ANKS1A: variants seen among roughly 807,000 people sequenced by gnomAD.
ANKS1A encodes the protein ankyrin repeat and sterile alpha motif domain containing 1A, also known as ankyrin repeat and SAM domain-containing protein 1A.
A neutral mutation model predicts 120.3 loss-of-function variants in ANKS1A; 55 were observed. That is an observed-to-expected ratio of 0.46 (90% CI 0.37 to 0.57). The LOEUF is 0.57. Ranked by LOEUF, ANKS1A falls within the 20% of genes least tolerant of loss-of-function variation. The pLI is 0.00. For synonymous variants in ANKS1A, 590 were observed against 604.7 expected, an observed-to-expected ratio of 0.98 and a Z score of 0.36; for missense variants, 1,123 against 1,480.3, an observed-to-expected ratio of 0.76 and a Z score of 3.96.
chr6:34,946,256 C>T (rs1325124413), intron 1 of ANKS1A, among the ~76,000 whole-genome samples: 2 of 151,034 alleles, frequency 1.3e-5, no homozygotes, highest in African/African-American at 2.4e-5. Context: ...GCTGGAATTA[C>T]AGGCATGAGC....
chr6:35,007,739 A>G (rs934982904), intron 10 of ANKS1A, among the ~76,000 whole-genome samples: 2 of 152,256 alleles, frequency 1.3e-5, no homozygotes, highest in African/African-American at 2.4e-5. Context: ...ACAGTGATAC[A>G]TGTGGACTTT....
At chr6:34,913,818 A>G (rs1290793728) in intron 1 of ANKS1A, among the ~76,000 whole-genome samples, 1 of 152,066 alleles carries the variant, frequency 6.6e-6, no homozygotes, top group Non-Finnish European at 1.5e-5. Flanking sequence ...TTTTTAGTAG[A>G]GATGGGGTTT....
At chr6:34,955,260 C>G (rs1269746994) in intron 1 of ANKS1A, among the ~76,000 whole-genome samples, 1 of 151,992 alleles carries the variant, frequency 6.6e-6, no homozygotes, top group South Asian at 2.1e-4. Context: ...CCTCAGCCCC[C>G]CAAGTAGCTG....
At chr6:34,948,233 G>A (rs1769901237) in intron 1 of ANKS1A, among the ~76,000 whole-genome samples, 1 of 151,764 alleles carries the variant, frequency 6.6e-6, no homozygotes, top group South Asian at 2.1e-4. Flanking sequence ...AGTGGCTACA[G>A]TGCTTATTAC....
Position 35,007,991 on chromosome 6 carries a change from G to A in ANKS1A, c.1424-9482G>A, listed in dbSNP as rs188196589. Among the ~76,000 whole-genome samples the A allele has an allele frequency of 3.3e-5, 5 of 152,226 alleles. No individual in the cohort carries two copies. The East Asian group carries it at 7.7e-4, about 23-fold the overall frequency. On this transcript the variant is annotated intron_variant, in intron 10 of 23. Transcript: ENST00000360359. The stretch of plus-strand genomic sequence containing the variant: ...TGCCAGTTTTGGATTGTTTTCTCAG[G>A]TGTGCTTCCGTCTGTAGTCCCACTT...
chr6:34,958,368 C>T (rs1318492035), intron 1 of ANKS1A, among the ~76,000 whole-genome samples: 2 of 152,192 alleles, frequency 1.3e-5, no homozygotes, highest in Non-Finnish European at 2.9e-5. Context: ...CCTCTTTACA[C>T]TGCATGAAGG....
chr6:34,983,523 T>C, intron 7 of ANKS1A, 98 bp downstream of exon 7: 3 of 1,069,440 alleles, frequency 2.8e-6, no homozygotes, highest in Non-Finnish European at 4.1e-6. Context: ...AATAATAATT[T>C]TGGGGGATTG....
At chr6:35,016,162 C>G (rs1220037866) in intron 10 of ANKS1A, among the ~76,000 whole-genome samples, 2 of 152,230 alleles carry the variant, frequency 1.3e-5, no homozygotes, top group African/African-American at 4.8e-5. Flanking sequence ...CAAGGCCACA[C>G]AGCTAGAGAA....
At chr6:34,947,834 C>T (rs1769878398) in intron 1 of ANKS1A, among the ~76,000 whole-genome samples, 1 of 152,120 alleles carries the variant, frequency 6.6e-6, no homozygotes, top group Non-Finnish European at 1.5e-5. Context: ...ATTTTTAGAA[C>T]TACTCTAAGG....
At chr6:35,012,117 CT>C (rs1461961499) in intron 10 of ANKS1A, among the ~76,000 whole-genome samples, 1 of 152,154 alleles carries the variant, frequency 6.6e-6, no homozygotes, top group Non-Finnish European at 1.5e-5. Flanking sequence ...TAGAGAGGTC[CT>C]TTAATCACAG....
chr6:34,981,800 C>G lies in ANKS1A; in HGVS notation c.546C>G (p.Phe182Leu). 1.2e-6 allele frequency: 2 copies of G among 1,614,150 alleles called. No individual in the cohort carries two copies. Among genetic ancestry groups the G allele is most frequent in the Non-Finnish European group, 1.7e-6 (2 of 1,180,024 alleles). Reference protein sequence around the residue: ...LTDPTMRNNKFETPLDLAALY... With the variant: ...LTDPTMRNNKLETPLDLAALY... ...ACCCCACCATGCGCAACAACAAATT[C>G]GAGACCCCTTTGGACCTGGCAGCAC... Residue 182 changes from phenylalanine to leucine, a missense_variant, in exon 4 of 24, where the codon TTC becomes TTG. Phe to Leu is a conservative substitution (Grantham distance 22, BLOSUM62 0). Coordinates refer to ENST00000360359, the MANE Select transcript of ANKS1A (RefSeq NM_015245.3).
At chr6:34,957,765 G>A (rs537008699) in intron 1 of ANKS1A, among the ~76,000 whole-genome samples, 4 of 152,164 alleles carry the variant, frequency 2.6e-5, no homozygotes, top group African/African-American at 9.7e-5. Context: ...AGAGATGCAC[G>A]CTGTTTTCTC....
Position 35,060,811 on chromosome 6 carries a change from A to C in ANKS1A, c.2184+558A>C, listed in dbSNP as rs1776457830. Among the ~76,000 whole-genome samples, 1 of 152,194 alleles carries C rather than the reference A, an allele frequency of 6.6e-6. No individual in the cohort carries two copies. The highest frequency in any genetic ancestry group is 6.5e-5 in the Admixed American group (1 of 15,286). ...CTCTCACAAAACACAAAGGGCCAAA[A>C]ATAAAAAGAGAAACCAGGGTGTTTC... On this transcript the variant is annotated intron_variant, in intron 13 of 23. Coordinates refer to ENST00000360359, the MANE Select transcript of ANKS1A (RefSeq NM_015245.3). The surrounding 1 kb of genome is among the most constrained non-coding windows in gnomAD (Gnocchi z 4.5).
intron 11 of ANKS1A, chr6:35,023,735 T>C (rs1008953297): frequency 2.9e-5 from 10 of 347,242 alleles, no homozygotes; most frequent in African/African-American, 4.3e-5. Context: ...ACAAATTTCT[T>C]CTCCCAGAAT....
At chr6:35,023,969 T>A (rs1274870488) in intron 11 of ANKS1A, 1 of 153,490 alleles carries the variant, frequency 6.5e-6, no homozygotes, top group African/African-American at 2.4e-5. Flanking sequence ...TATAATAAAC[T>A]AATGATATAT....
At chr6:35,063,746 T>C (rs1776630370) in intron 13 of ANKS1A, among the ~76,000 whole-genome samples, 1 of 152,120 alleles carries the variant, frequency 6.6e-6, no homozygotes, top group Non-Finnish European at 1.5e-5. Flanking sequence ...GAAAAGCAAA[T>C]AACGTAGGTG....
At chr6:34,929,621 C>T (rs931992918) in intron 1 of ANKS1A, among the ~76,000 whole-genome samples, 1 of 152,160 alleles carries the variant, frequency 6.6e-6, no homozygotes, top group African/African-American at 2.4e-5. Flanking sequence ...TTTTGAAATA[C>T]TCTACCTTTT....
chr6:35,005,881 C>A (rs1773421157), intron 10 of ANKS1A: 1 of 364,190 alleles, frequency 2.7e-6, no homozygotes, highest in African/African-American at 2.2e-5. Context: ...GGCGAAACCC[C>A]ACCTCTACTA....
At chr6:34,914,022 A>G (rs1304581091) in intron 1 of ANKS1A, among the ~76,000 whole-genome samples, 1 of 151,568 alleles carries the variant, frequency 6.6e-6, no homozygotes, top group Non-Finnish European at 1.5e-5. Context: ...GGCTCATGTC[A>G]TTCTCCCGCC....
Sources: gnomAD v4.1 joint callset for allele counts (sites outside exome capture counted in the v4.1 genomes callset) on GRCh38, gnomAD v4.1.1 for gene constraint, Gnocchi (gnomAD v3.1) non-coding constraint, MANE v1.5 for transcripts, NCBI Gene and HGNC (gene_info 2026-07-23, HGNC 2026-07-21) for gene names.